Variants in EPN2 observed in about 807,000 individuals in gnomAD.
EPN2 encodes epsin-2.
Under a neutral mutation model 61.7 loss-of-function variants are expected in EPN2, and 34 were observed. The observed-to-expected ratio is 0.55, with a 90% CI of 0.42 to 0.73. EPN2 has a LOEUF of 0.73. EPN2 is among the 30% of genes least tolerant of loss of function. The pLI is 0.00. For synonymous variants in EPN2, 349 were observed against 353.6 expected, an observed-to-expected ratio of 0.99 and a Z score of 0.15; for missense variants, 714 against 839.2, an observed-to-expected ratio of 0.85 and a Z score of 1.84.
At chr17:19,294,101 A>G (rs2045491862) in intron 4 of EPN2, among the ~76,000 whole-genome samples, 1 of 151,870 alleles carries the variant, frequency 6.6e-6, no homozygotes, top group Admixed American at 6.6e-5. Flanking sequence ...AAAAAAAAAA[A>G]AAAGAAACAG....
chr17:19,275,348 G>T (rs1388654308), intron 1 of EPN2, among the ~76,000 whole-genome samples: 1 of 152,250 alleles, frequency 6.6e-6, no homozygotes, highest in South Asian at 2.1e-4. Context: ...GTAGGTTACA[G>T]CATGAGAATT....
chr17:19,283,506 A>G lies in EPN2; in HGVS notation c.387A>G (p.Gln129=). 3 of 1,614,206 alleles carry G rather than the reference A, an allele frequency of 1.9e-6. No individual in the cohort carries two copies. The highest frequency in any genetic ancestry group is 1.1e-5 in the South Asian group (1 of 91,080). The change falls in exon 3 of 11, where the codon CAA becomes CAG. Residue 129 remains glutamine (Q), a synonymous_variant. Coordinates refer to ENST00000314728, the MANE Select transcript of EPN2 (RefSeq NM_014964.5). The surrounding 1 kb of genome is among the most constrained non-coding windows in gnomAD (Gnocchi z 7.0). ...QGINVREKSK[Q]LVALLKDEER... ...TCAATGTGCGTGAGAAGTCAAAGCAACTGGTGGCTCTCCTCAAGGACGAGG... is the reference window on the plus strand; with the variant it reads ...TCAATGTGCGTGAGAAGTCAAAGCAGCTGGTGGCTCTCCTCAAGGACGAGG...
intron 1 of EPN2, among the ~76,000 whole-genome samples, chr17:19,240,310 A>G (rs549079580): frequency 4.3e-4 from 66 of 152,186 alleles, no homozygotes; most frequent in African/African-American, 1.3e-3. Flanking sequence ...CAGTGGCGCA[A>G]TCTTGGCTCA....
intron 1 of EPN2, among the ~76,000 whole-genome samples, chr17:19,262,100 T>C (rs2045147608): frequency 6.6e-6 from 1 of 151,992 alleles, no homozygotes; most frequent in Admixed American, 6.5e-5. Flanking sequence ...GGCAGGAGAA[T>C]TGCTTGAACC....
chr17:19,253,410 C>CTTTTTT (rs59492982), intron 1 of EPN2, among the ~76,000 whole-genome samples: 15 of 101,866 alleles, frequency 1.5e-4, no homozygotes, highest in Non-Finnish European at 2.3e-4. Context: ...TAAATAGTTG[C>CTTTTTT]TTTTTTTTTT....
At chr17:19,295,368 G>GCGCGCA (rs1394219830) in intron 4 of EPN2, among the ~76,000 whole-genome samples, 9 of 58,494 alleles carry the variant, frequency 1.5e-4, no homozygotes, top group Admixed American at 2.8e-4. Context: ...ACACACACAC[G>GCGCGCA]CGCGTGCGCG....
At chr17:19,279,871 C>G (rs1449719211) in intron 1 of EPN2, 2 of 139,738 alleles carry the variant, frequency 1.4e-5, no homozygotes, top group South Asian at 2.3e-4. Context: ...GGGTCTCACT[C>G]TATCGCCCAG....
intron 4 of EPN2, among the ~76,000 whole-genome samples, chr17:19,290,510 T>C (rs1455155222): frequency 6.6e-6 from 1 of 151,954 alleles, no homozygotes; most frequent in African/African-American, 2.4e-5. Context: ...GGGCCAGATC[T>C]TCTGCCTTGG....
Position 19,313,180 on chromosome 17 carries a change from A to G in EPN2, c.1048A>G (p.Lys350Glu). 1 of 1,613,474 alleles carries G rather than the reference A, an allele frequency of 6.2e-7. No individual in the cohort carries two copies. Reference sequence around the variant, plus strand: ...CCCCAGCTCGGGCCCCGCGGCCCAGAAAGCAGAGCCCTGGGGCCCGTCAGC... The same window carrying G: ...CCCCAGCTCGGGCCCCGCGGCCCAGGAAGCAGAGCCCTGGGGCCCGTCAGC... ...ALPSSGPAAQ[K>E]AEPWGPSAST... The change falls in exon 7 of 11, where the codon AAA becomes GAA. Residue 350 changes from lysine to glutamate, a missense_variant. By Grantham distance (56) the Lys-to-Glu change is moderately conservative (BLOSUM62 1). Around this residue, in one of 2 missense-constraint regions of EPN2, gnomAD observed 410 missense variants for 421.8 expected, o/e 0.97. Transcript: ENST00000314728.
At chr17:19,267,613 G>C (rs1183879963) in intron 1 of EPN2, among the ~76,000 whole-genome samples, 4 of 151,314 alleles carry the variant, frequency 2.6e-5, no homozygotes, top group Non-Finnish European at 4.4e-5. Context: ...CACAATCTCA[G>C]CTCACTGCAA....
chr17:19,268,888 A>G (rs1028336255), intron 1 of EPN2, among the ~76,000 whole-genome samples: 1 of 151,944 alleles, frequency 6.6e-6, no homozygotes, highest in African/African-American at 2.4e-5. Context: ...AAGACTGCAT[A>G]CTGTTCAGTT....
At chr17:19,308,741 C>T (rs539019974) in intron 4 of EPN2, 47 of 916,658 alleles carry the variant, frequency 5.1e-5, no homozygotes, top group Admixed American at 3.1e-4. Flanking sequence ...AGCTATGGAC[C>T]CTTCCTGAAA....
chr17:19,279,348 T>C (rs1258196588), intron 1 of EPN2, among the ~76,000 whole-genome samples: 2 of 152,200 alleles, frequency 1.3e-5, no homozygotes, highest in African/African-American at 4.8e-5. Flanking sequence ...TAGGCCCAGC[T>C]GGAGGTCTTC....
intron 1 of EPN2, among the ~76,000 whole-genome samples, chr17:19,272,764 C>T (rs1270932342): frequency 1.3e-5 from 2 of 152,090 alleles, no homozygotes; most frequent in African/African-American, 2.4e-5. Flanking sequence ...TTCTCATTTG[C>T]CTTTATGGAG....
At chr17:19,256,000 C>T (rs527629664) in intron 1 of EPN2, among the ~76,000 whole-genome samples, 109 of 151,974 alleles carry the variant, frequency 7.2e-4, no homozygotes, top group African/African-American at 2.5e-3. Flanking sequence ...TGCAGGGGCG[C>T]GATCTCAGCT....
At chr17:19,321,293 A>G (rs1481233744) in intron 7 of EPN2, among the ~76,000 whole-genome samples, 6 of 152,044 alleles carry the variant, frequency 3.9e-5, no homozygotes, top group East Asian at 1.9e-4. Context: ...CAGAAGCTCA[A>G]CCCTTTGCTC....
chr17:19,313,157 C>T lies in EPN2; in HGVS notation c.1025C>T (p.Pro342Leu). ...CTGTTGGATTTAATGGATGCTCTCC[C>T]CAGCTCGGGCCCCGCGGCCCAGAAA... ...TTLLDLMDAL[P>L]SSGPAAQKAE... Residue 342 changes from proline (P) to leucine (L), a missense_variant, in exon 7 of 11, where the codon CCC becomes CTC. Pro to Leu is a moderately conservative substitution (Grantham distance 98). Transcript: ENST00000314728. 1 of 1,613,864 alleles carries T rather than the reference C, an allele frequency of 6.2e-7. No homozygotes were observed. The highest frequency in any genetic ancestry group is 8.5e-7 in the Non-Finnish European group (1 of 1,179,860).
chr17:19,326,000 A>G (rs2067191075), intron 7 of EPN2, among the ~76,000 whole-genome samples: 1 of 152,248 alleles, frequency 6.6e-6, no homozygotes, highest in Non-Finnish European at 1.5e-5. Context: ...AAAAGATACT[A>G]GTTCCTAGAA....
chr17:19,246,473 T>TG (rs1459089949), intron 1 of EPN2, among the ~76,000 whole-genome samples: 2 of 152,130 alleles, frequency 1.3e-5, no homozygotes, highest in Non-Finnish European at 2.9e-5. Flanking sequence ...CTGGGGAGGC[T>TG]GGGGTGTGAG....
Sources: allele counts gnomAD v4.1 joint callset (sites outside exome capture counted in the v4.1 genomes callset), GRCh38; gene constraint gnomAD v4.1.1; regional missense constraint gnomAD v4.1.1; non-coding constraint Gnocchi (gnomAD v3.1); transcripts MANE v1.5; gene names NCBI Gene and HGNC (gene_info 2026-07-23, HGNC 2026-07-21).